RBFOX1: variants seen among roughly 807,000 people sequenced by gnomAD.
The protein encoded by RBFOX1 is RNA binding protein fox-1 homolog 1.
Under a neutral mutation model 57.7 loss-of-function variants are expected in RBFOX1, and 8 were observed. The observed-to-expected ratio is 0.14, with a 90% CI of 0.08 to 0.25. The LOEUF is 0.25. RBFOX1 is among the 10% of genes least tolerant of loss of function. The probability of loss-of-function intolerance (pLI) is 1.00; values close to 1 mark genes in which losing one functional copy is unlikely to be tolerated. For synonymous variants in RBFOX1, 326 were observed against 222.4 expected, an observed-to-expected ratio of 1.47 and a Z score of -4.15; for missense variants, 611 against 548.5, an observed-to-expected ratio of 1.11 and a Z score of -1.14.
chr16:7,138,828 A>G (rs1370633601), intron 4 of RBFOX1, among the ~76,000 whole-genome samples: 1 of 152,104 alleles, frequency 6.6e-6, no homozygotes, highest in Non-Finnish European at 1.5e-5. Context: ...TTTTTTTATA[A>G]GATGGAGTCT....
intron 2 of RBFOX1, among the ~76,000 whole-genome samples, chr16:5,577,611 G>A (rs747729537): frequency 1.7e-4 from 26 of 152,180 alleles, no homozygotes; most frequent in Non-Finnish European, 3.7e-4. Flanking sequence ...CTACATGTTT[G>A]CAATCTTGAG....
intron 1 of RBFOX1, among the ~76,000 whole-genome samples, chr16:6,056,526 T>C (rs1405344945): frequency 1.3e-5 from 2 of 152,334 alleles, no homozygotes; most frequent in Admixed American, 6.5e-5. Context: ...AATAAAAACC[T>C]TGTAATTTAT....
At chr16:6,526,348 C>G (rs1199172801) in intron 2 of RBFOX1, among the ~76,000 whole-genome samples, 2 of 152,110 alleles carry the variant, frequency 1.3e-5, no homozygotes, top group Non-Finnish European at 2.9e-5. Flanking sequence ...CCAAGCACAT[C>G]CAGTTATGTT....
At chr16:5,489,905 C>A (rs972878237) in intron 2 of RBFOX1, among the ~76,000 whole-genome samples, 1 of 152,232 alleles carries the variant, frequency 6.6e-6, no homozygotes, top group African/African-American at 2.4e-5. Flanking sequence ...ACCTTCTTGG[C>A]ACCTTAAGCG....
intron 1 of RBFOX1, among the ~76,000 whole-genome samples, chr16:6,226,556 T>C (rs566781511): frequency 1.3e-5 from 2 of 152,162 alleles, no homozygotes; most frequent in Admixed American, 1.3e-4. Context: ...CTGAAGCATA[T>C]TGTATGAATT....
At chr16:5,461,215 C>A (rs1170210399) in intron 1 of RBFOX1, among the ~76,000 whole-genome samples, 1 of 149,410 alleles carries the variant, frequency 6.7e-6, no homozygotes, top group Non-Finnish European at 1.5e-5. Flanking sequence ...GGCTGCATCT[C>A]TAATAGTGGT....
At chr16:5,428,826 G>C (rs1192999707) in intron 1 of RBFOX1, among the ~76,000 whole-genome samples, 4 of 152,178 alleles carry the variant, frequency 2.6e-5, no homozygotes, top group Admixed American at 2.6e-4. Context: ...CTGTAGCTGA[G>C]TTGGGGACCA....
At chr16:5,957,195 A>T (rs1164554375) in intron 4 of RBFOX1, among the ~76,000 whole-genome samples, 3 of 152,056 alleles carry the variant, frequency 2.0e-5, no homozygotes, top group Non-Finnish European at 4.4e-5. Context: ...ACACTATGAG[A>T]AACAATTTAT....
At chr16:5,674,489 C>G (rs2050108498) in intron 3 of RBFOX1, among the ~76,000 whole-genome samples, 1 of 152,162 alleles carries the variant, frequency 6.6e-6, no homozygotes, top group African/African-American at 2.4e-5. Context: ...ATCTATGGGA[C>G]TCTTCTCTCA....
chr16:7,129,753 A>G (rs1468025045), intron 4 of RBFOX1, among the ~76,000 whole-genome samples: 1 of 150,180 alleles, frequency 6.7e-6, no homozygotes, highest in Admixed American at 6.7e-5. Context: ...GTACCAGGAG[A>G]CACGACAACT....
intron 1 of RBFOX1, chr16:6,090,254 A>T (rs1363262499): frequency 6.6e-6 from 1 of 152,122 alleles, no homozygotes; most frequent in East Asian, 1.9e-4. Context: ...TAGTCTCCCT[A>T]TTTTGAGGTC....
chr16:6,398,790 A>T (rs187409116), intron 2 of RBFOX1, among the ~76,000 whole-genome samples: 1 of 152,198 alleles, frequency 6.6e-6, no homozygotes, highest in Non-Finnish European at 1.5e-5. Context: ...TGCACAGTCC[A>T]GGCTGTCGCT....
chr16:5,326,994 G>C (rs955066386), intron 1 of RBFOX1, among the ~76,000 whole-genome samples: 5 of 152,212 alleles, frequency 3.3e-5, no homozygotes, highest in African/African-American at 7.2e-5. Context: ...TAAAGCAGAA[G>C]TTCTGCTTCA....
intron 3 of RBFOX1, among the ~76,000 whole-genome samples, chr16:6,670,258 G>C (rs565587721): frequency 5.3e-5 from 8 of 152,026 alleles, no homozygotes; most frequent in African/African-American, 1.7e-4. Context: ...TTGTAGAGAC[G>C]GGGTTTTCCC....
chr16:6,536,703 T>A (rs916165943), intron 2 of RBFOX1, among the ~76,000 whole-genome samples: 1 of 152,134 alleles, frequency 6.6e-6, no homozygotes, highest in African/African-American at 2.4e-5. Context: ...TTATAGTAGG[T>A]GTCTTAGACC....
intron 2 of RBFOX1, among the ~76,000 whole-genome samples, chr16:6,596,797 A>G (rs184912154): frequency 2.6e-5 from 4 of 152,276 alleles, no homozygotes; most frequent in African/African-American, 9.6e-5. Context: ...ACAATACACA[A>G]ATGTACCCTG....
intron 3 of RBFOX1, among the ~76,000 whole-genome samples, chr16:6,995,973 A>G (rs981863433): frequency 6.6e-6 from 1 of 152,184 alleles, no homozygotes; most frequent in Non-Finnish European, 1.5e-5. Flanking sequence ...GTCCCTAATT[A>G]CTTTTTCCCA....
chr16:7,192,943 C>G (rs964339930), intron 4 of RBFOX1, among the ~76,000 whole-genome samples: 1 of 152,206 alleles, frequency 6.6e-6, no homozygotes, highest in Non-Finnish European at 1.5e-5. Context: ...AGAGAAAGAT[C>G]TCTTCCCCTC....
intron 4 of RBFOX1, among the ~76,000 whole-genome samples, chr16:7,260,120 A>C (rs1010978458): frequency 6.6e-6 from 1 of 152,222 alleles, no homozygotes; most frequent in Non-Finnish European, 1.5e-5. Context: ...ATCCTTAAGC[A>C]TGAAGGCTTA....
Sources: allele counts gnomAD v4.1 joint callset (sites outside exome capture counted in the v4.1 genomes callset), GRCh38; gene constraint gnomAD v4.1.1; transcripts MANE v1.5; gene names NCBI Gene and HGNC (gene_info 2026-07-23, HGNC 2026-07-21).